LIN28B: variants seen among roughly 807,000 people sequenced by gnomAD.
LIN28B encodes protein lin-28 homolog B.
In LIN28B, 5 loss-of-function variants were observed where a neutral mutation model predicts 21.9. The ratio of observed to expected loss-of-function variants is 0.23; its 90% CI spans 0.12 to 0.48. The LOEUF is 0.48. LIN28B is among the 20% of genes least tolerant of loss of function. The probability of loss-of-function intolerance (pLI) is 0.98; values close to 1 mark genes in which losing one functional copy is unlikely to be tolerated. For missense variants in LIN28B, 245 were observed against 310.5 expected, an observed-to-expected ratio of 0.79 and a Z score of 1.58; for synonymous variants, 109 against 111.3, an observed-to-expected ratio of 0.98 and a Z score of 0.13.
intron 2 of LIN28B, among the ~76,000 whole-genome samples, chr6:104,960,806 A>G (rs1056088580): frequency 6.6e-6 from 1 of 152,168 alleles, no homozygotes; most frequent in Non-Finnish European, 1.5e-5. Context: ...GAGAATATAT[A>G]TATGTGTGTG....
In LIN28B at chr6:105,072,088, C is replaced by G. The variant is rs571482353; in HGVS notation, c.384-6326C>G. On this transcript the variant is annotated intron_variant, in intron 3 of 3. Transcript: ENST00000345080. The stretch of plus-strand genomic sequence containing the variant: ...AAAGTCTACTTCAATTCTTTTGTGT[C>G]TGTGTGTGTGTGTGTGTGTGTATTA... Among the ~76,000 whole-genome samples the G allele has an allele frequency of 9.4e-4, 140 of 148,964 alleles. 1 individual carries two copies. Among genetic ancestry groups the G allele is most frequent in the Middle Eastern group, 3.4e-3 (1 of 292 alleles).
chr6:105,067,704 T>G (rs1332145969), intron 3 of LIN28B, among the ~76,000 whole-genome samples: 2 of 152,218 alleles, frequency 1.3e-5, no homozygotes, highest in Non-Finnish European at 2.9e-5. Flanking sequence ...ATTATGCTCC[T>G]TCTCAAGTTA....
chr6:104,955,521 A>T, upstream of LIN28B, among the ~76,000 whole-genome samples: 1 of 152,218 alleles, frequency 6.6e-6, no homozygotes, highest in East Asian at 1.9e-4. Context: ...AATCTGAGCC[A>T]ATTAAATTTA....
At chr6:104,951,694 G>T (rs1285241628) in intron 3 of LIN28B, among the ~76,000 whole-genome samples, 2 of 152,080 alleles carry the variant, frequency 1.3e-5, no homozygotes, top group Non-Finnish European at 2.9e-5. Flanking sequence ...GGAGGGGAAA[G>T]GTACAACTTT....
At chr6:105,062,947 T>G (rs759540385) in intron 3 of LIN28B, among the ~76,000 whole-genome samples, 1 of 152,196 alleles carries the variant, frequency 6.6e-6, no homozygotes, top group African/African-American at 2.4e-5. Flanking sequence ...ATATTTCTTA[T>G]GTATGGTTTC....
At chr6:105,056,612 C>T (rs889000505) in intron 3 of LIN28B, among the ~76,000 whole-genome samples, 68 of 152,288 alleles carry the variant, frequency 4.5e-4, no homozygotes, top group Admixed American at 3.1e-3. Context: ...GCTTATCTCT[C>T]TGCCAAACAA....
At chr6:104,975,480 C>G (rs1208375222) in intron 2 of LIN28B, among the ~76,000 whole-genome samples, 2 of 152,082 alleles carry the variant, frequency 1.3e-5, no homozygotes, top group African/African-American at 4.8e-5. Flanking sequence ...ACTGATTATC[C>G]AAAGCCACTG....
At chr6:105,038,423 G>A (rs1240106395) in intron 3 of LIN28B, among the ~76,000 whole-genome samples, 2 of 152,174 alleles carry the variant, frequency 1.3e-5, no homozygotes, top group Non-Finnish European at 2.9e-5. Flanking sequence ...GCAGGCTGCT[G>A]TTGGTCAGCA....
chr6:104,953,369 T>A (rs1376087445), upstream of LIN28B, among the ~76,000 whole-genome samples: 2 of 152,192 alleles, frequency 1.3e-5, no homozygotes, highest in Non-Finnish European at 2.9e-5. Flanking sequence ...TGACCGCACT[T>A]ATCTTAGCTT....
intron 2 of LIN28B, among the ~76,000 whole-genome samples, chr6:105,006,028 G>A (rs922285339): frequency 1.3e-5 from 2 of 152,162 alleles, no homozygotes; most frequent in East Asian, 3.8e-4. Context: ...TTCTGACTTT[G>A]TGTCTGTTTC....
intron 3 of LIN28B, among the ~76,000 whole-genome samples, chr6:105,073,945 AT>A (rs2114420269): frequency 6.6e-6 from 1 of 152,348 alleles, no homozygotes; most frequent in African/African-American, 2.4e-5. Flanking sequence ...AAATGCAAAC[AT>A]TTTTAATGGT....
intron 2 of LIN28B, among the ~76,000 whole-genome samples, chr6:104,984,697 A>T (rs1413815846): frequency 6.6e-6 from 1 of 152,140 alleles, no homozygotes; most frequent in Non-Finnish European, 1.5e-5. Context: ...TGGCCTCCCA[A>T]AGTAGTATAA....
At chr6:105,064,210 G>A (rs1217256673) in intron 3 of LIN28B, among the ~76,000 whole-genome samples, 1 of 152,182 alleles carries the variant, frequency 6.6e-6, no homozygotes, top group Non-Finnish European at 1.5e-5. Flanking sequence ...AGATGAATAA[G>A]TGTTAAAGAA....
chr6:104,945,703 A>G (rs1175780815), intron 2 of LIN28B, among the ~76,000 whole-genome samples: 1 of 152,078 alleles, frequency 6.6e-6, no homozygotes, highest in Non-Finnish European at 1.5e-5. Context: ...CGATTACATA[A>G]AGTTATTATT....
intron 3 of LIN28B, among the ~76,000 whole-genome samples, chr6:105,061,199 T>C (rs1316134646): frequency 4.6e-5 from 7 of 152,168 alleles, no homozygotes; most frequent in Admixed American, 2.0e-4. Context: ...ACCCTGCAAT[T>C]TGATTTTTAG....
intron 3 of LIN28B, among the ~76,000 whole-genome samples, chr6:105,027,202 CA>C (rs1342068258): frequency 6.6e-6 from 1 of 151,784 alleles, no homozygotes; most frequent in African/African-American, 2.4e-5. Context: ...AAATCTGGAT[CA>C]AAAAAATATG....
intron 2 of LIN28B, among the ~76,000 whole-genome samples, chr6:104,997,326 A>G (rs1191383326): frequency 6.6e-6 from 1 of 151,594 alleles, no homozygotes; most frequent in Non-Finnish European, 1.5e-5. Context: ...AAGTTTGTCC[A>G]TAAAATATTT....
intron 3 of LIN28B, among the ~76,000 whole-genome samples, chr6:105,078,212 G>C (rs752849914): frequency 6.6e-6 from 1 of 152,118 alleles, no homozygotes; most frequent in African/African-American, 2.4e-5. Context: ...ACACAACTAA[G>C]TTTTTAACCT....
At chr6:104,972,623 A>G (rs1397984480) in intron 2 of LIN28B, among the ~76,000 whole-genome samples, 1 of 152,194 alleles carries the variant, frequency 6.6e-6, no homozygotes, top group Non-Finnish European at 1.5e-5. Context: ...TTGTAAGTAT[A>G]AGTTTAATGA....
Sources: gnomAD v4.1 joint callset for allele counts (sites outside exome capture counted in the v4.1 genomes callset) on GRCh38, gnomAD v4.1.1 for gene constraint, MANE v1.5 for transcripts, NCBI Gene and HGNC (gene_info 2026-07-23, HGNC 2026-07-21) for gene names.